PDE9A: variants seen among roughly 807,000 people sequenced by gnomAD.
The protein encoded by PDE9A is high affinity cGMP-specific 3',5'-cyclic phosphodiesterase 9A.
A neutral mutation model predicts 87.4 loss-of-function variants in PDE9A; 60 were observed. The ratio of observed to expected loss-of-function variants is 0.69; its 90% confidence interval spans 0.56 to 0.85. The LOEUF is 0.85. Among genes scored for constraint, PDE9A ranks in the 40% least tolerant of loss-of-function variants. The probability of loss-of-function intolerance (pLI) is 0.00; values close to 1 mark genes in which losing one functional copy is unlikely to be tolerated. For synonymous variants in PDE9A, 272 were observed against 279.4 expected (o/e 0.97, Z 0.27); for missense variants, 665 against 779.0 (o/e 0.85, Z 1.74).
At chr21:42,699,221 C>T (rs1238478669) in intron 4 of PDE9A, among the ~76,000 whole-genome samples, 3 of 152,252 alleles carry the variant, frequency 2.0e-5, no homozygotes, top group Non-Finnish European at 4.4e-5. Flanking sequence ...CCTTGTACTA[C>T]TGTAAGGGCT....
Position 42,770,695 on chromosome 21 carries a change from TC to T in PDE9A, c.1591-7del, listed in dbSNP as rs1271721481. 6.2e-7 allele frequency: 1 copy of T among 1,607,928 alleles called. No homozygotes were observed. Among genetic ancestry groups the T allele is most frequent in the Admixed American group, 1.7e-5 (1 of 60,016 alleles). ...GGGACTCTGAATAAATCCGTGTGTC[TC>T]TCCCAGCTCTTCCCCATGGTTGAGG... On this transcript the variant is annotated splice_polypyrimidine_tract_variant and splice_region_variant and intron_variant, in intron 17 of 19. Transcript: ENST00000291539.
At chr21:42,662,382 A>C (rs1380108662) in intron 1 of PDE9A, among the ~76,000 whole-genome samples, 1 of 152,064 alleles carries the variant, frequency 6.6e-6, no homozygotes, top group Non-Finnish European at 1.5e-5. Flanking sequence ...CACCGAAGGA[A>C]GGGGCAGAAA....
intron 4 of PDE9A, among the ~76,000 whole-genome samples, chr21:42,706,092 C>T (rs1260422118): frequency 1.3e-5 from 2 of 152,184 alleles, no homozygotes; most frequent in Admixed American, 1.3e-4. Context: ...CTGTGCCCCA[C>T]AACATGCATG....
At position 42,743,784 on chromosome 21, in the gene PDE9A, C is replaced by A. The variant is rs982358967; in HGVS notation, c.577C>A (p.Leu193Ile). 6.3e-7 allele frequency: 1 copy of A among 1,587,478 alleles called. No homozygotes were observed. The highest frequency in any genetic ancestry group is 1.1e-5 in the South Asian group (1 of 87,324). Residue 193 changes from leucine to isoleucine, a missense_variant, in exon 8 of 20, where the codon CTA becomes ATA. By Grantham distance (5) the Leu-to-Ile change is conservative. Transcript: ENST00000291539. ...TCTCTCTCTGTCACCAGTGGAAGGA[C>A]TAAAAGTGGTGGAGATTGAGAAATG... ...VLEKRVELEG[L>I]KVVEIEKCKS... is the part of the protein sequence containing the mutation.
chr21:42,733,548 G>A, intron 7 of PDE9A, 122 bp downstream of exon 7: 1 of 657,248 alleles, frequency 1.5e-6, no homozygotes, highest in East Asian at 2.7e-5. Flanking sequence ...TTTTCTTTGT[G>A]AAATACTTGA....
intron 4 of PDE9A, among the ~76,000 whole-genome samples, chr21:42,719,312 A>G (rs1016649038): frequency 6.6e-6 from 1 of 151,746 alleles, no homozygotes; most frequent in African/African-American, 2.4e-5. Context: ...CTACATTATA[A>G]GGGCACTTTA....
Position 42,733,274 on chromosome 21 carries a change from T to G in PDE9A, c.498-82T>G, listed in dbSNP as rs1002657439. On this transcript the variant is annotated intron_variant, in intron 6 of 19. Coordinates refer to ENST00000291539, the MANE Select transcript of PDE9A (RefSeq NM_002606.3). The stretch of plus-strand genomic sequence containing the variant: ...CCTTGCCCATGCCCACAGCAGGGAC[T>G]CAGTAGGTGTTTGCTTAACCGGTTT... The G allele has an allele frequency of 6.3e-6, 5 of 794,204 alleles. No individual in the cohort carries two copies. In the African/African-American group the frequency reaches 8.4e-5, roughly 13 times the overall value. The allele number at this position is 794,204 out of a possible 1,614,324, so 49.2% of individuals were successfully genotyped here.
At position 42,694,934 on chromosome 21, in the gene PDE9A, C is replaced by A. The variant is rs1330353049; in HGVS notation, c.219-4034C>A. On this transcript the variant is annotated intron_variant, in intron 3 of 19. Transcript: ENST00000291539. This position sits in a 1 kb window ranked among gnomAD's most constrained non-coding sequence, Gnocchi z 5.3. ...CCCACCCCAGCCCAGCGGGCACTCCCCTTCTGCAAACCTCCAAGCACATTC... is the reference window on the plus strand; with the variant it reads ...CCCACCCCAGCCCAGCGGGCACTCCACTTCTGCAAACCTCCAAGCACATTC... Among the ~76,000 whole-genome samples, 2 of 152,180 alleles carry A rather than the reference C, an allele frequency of 1.3e-5. No homozygotes were observed. The highest frequency in any genetic ancestry group is 2.9e-5 in the Non-Finnish European group (2 of 68,038).
rs2059901160 is a variant in PDE9A, at chr21:42,692,474, C to T, written c.218+4480C>T. Among the ~76,000 whole-genome samples the T allele has an allele frequency of 6.6e-6, 1 of 152,170 alleles. No individual in the cohort carries two copies. Among genetic ancestry groups the T allele is most frequent in the South Asian group, 2.1e-4 (1 of 4,824 alleles). Reference sequence around the variant, plus strand: ...CTCCCCTGTGCTCTGTCGCTGTCCTCTCACCCTCCCCCAATCTTCCAACCT... The same window carrying T: ...CTCCCCTGTGCTCTGTCGCTGTCCTTTCACCCTCCCCCAATCTTCCAACCT... On this transcript the variant is annotated intron_variant, in intron 3 of 19. Coordinates refer to ENST00000291539, the MANE Select transcript of PDE9A (RefSeq NM_002606.3). This position sits in a 1 kb window ranked among gnomAD's most constrained non-coding sequence, Gnocchi z 4.3.
chr21:42,717,655 G>T (rs933295597), intron 4 of PDE9A, among the ~76,000 whole-genome samples: 1 of 151,398 alleles, frequency 6.6e-6, no homozygotes, highest in South Asian at 2.1e-4. Flanking sequence ...GCCTCCCAAA[G>T]TGCTGGGATT....
At chr21:42,685,465 G>GTTTTTTTTTTTTTTTTTTTT (rs1555908731) in intron 1 of PDE9A, among the ~76,000 whole-genome samples, 1 of 87,782 alleles carries the variant, frequency 1.1e-5, no homozygotes, top group African/African-American at 7.6e-5. Context: ...CCGAAAGGCA[G>GTTTTTTTTTTTTTTTTTTTT]TCTTTTTTTT....
chr21:42,736,567 TA>T (rs1384305534), intron 7 of PDE9A, among the ~76,000 whole-genome samples: 1 of 152,056 alleles, frequency 6.6e-6, no homozygotes, highest in African/African-American at 2.4e-5. Context: ...CTTCTATGGG[TA>T]AAACCGGTTG....
At position 42,731,767 on chromosome 21, in the gene PDE9A, T is replaced by C. The variant is rs778060967; in HGVS notation, c.263-3T>C. On this transcript the variant is annotated splice_polypyrimidine_tract_variant and splice_region_variant and intron_variant, in intron 4 of 19. Coordinates refer to ENST00000291539, the MANE Select transcript of PDE9A (RefSeq NM_002606.3). Reference sequence around the variant, plus strand: ...GAAACCCAGTCCTGCCTGCTTTTTATAGCTGGTGTCGAGGACAAGAGAACC... The same window carrying C: ...GAAACCCAGTCCTGCCTGCTTTTTACAGCTGGTGTCGAGGACAAGAGAACC... The C allele has an allele frequency of 3.1e-6, 5 of 1,610,286 alleles. 1 individual carries two copies. In the South Asian group the frequency reaches 5.5e-5, roughly 18 times the overall value.
intron 3 of PDE9A, 101 bp downstream of exon 3, chr21:42,688,095 G>A: frequency 1.0e-6 from 1 of 970,490 alleles, no homozygotes; most frequent in South Asian, 1.3e-5. Context: ...GCAGAAAGGT[G>A]TGAATTGACA....
At chr21:42,661,606 T>C (rs916232021) in intron 1 of PDE9A, among the ~76,000 whole-genome samples, 1 of 152,178 alleles carries the variant, frequency 6.6e-6, no homozygotes, top group Non-Finnish European at 1.5e-5. Flanking sequence ...ATTGTGTGCG[T>C]GGACCACATT....
At chr21:42,671,993 C>T (rs981028008) in intron 1 of PDE9A, among the ~76,000 whole-genome samples, 1 of 151,942 alleles carries the variant, frequency 6.6e-6, no homozygotes, top group Admixed American at 6.6e-5. Context: ...CAAAGCCTAG[C>T]AAAATCTTAT....
intron 1 of PDE9A, among the ~76,000 whole-genome samples, chr21:42,668,807 C>G (rs1028082120): frequency 6.6e-6 from 1 of 151,952 alleles, no homozygotes; most frequent in Non-Finnish European, 1.5e-5. Flanking sequence ...ACCTGGAGGG[C>G]TGTTCAGACG....
rs148697166 is a variant in PDE9A, at chr21:42,716,846, G to A, written c.263-14924G>A. 4.1e-3 allele frequency among the ~76,000 whole-genome samples: 563 copies of A among 137,574 alleles called. 3 individuals are homozygous for A. The highest frequency in any genetic ancestry group is 0.015 in the African/African-American group (535 of 36,824). 90.3% of individuals were successfully genotyped at this position (137,574 alleles called of 152,430 possible). A position where few individuals can be genotyped will look rare whatever the true frequency, so the allele number is the denominator to read the frequency against. On this transcript the variant is annotated intron_variant, in intron 4 of 19. Transcript: ENST00000291539. ...GCTCACTGCAACCTCCACCTCCTAG[G>A]TTCAAGCGATTCTCCTGCCTCAGCC... is the stretch of plus-strand genomic sequence containing the variant.
rs138593325 is a variant in PDE9A, at chr21:42,760,842, G to T, written c.1020G>T (p.Thr340=). 43 of 1,608,556 alleles carry T rather than the reference G, an allele frequency of 2.7e-5. No homozygotes were observed. In the African/African-American group the frequency reaches 5.6e-4, roughly 21 times the overall value. ...CAATCCAGGAGAAGTTCTCACAAAC[G>T]GATATCCTGATCCTAATGACAGCGG... ...LCSLQEKFSQ[T]DILILMTAAI... Residue 340 remains threonine (T), a synonymous_variant, in exon 13 of 20, where the codon ACG becomes ACT. Transcript: ENST00000291539. This position sits in a 1 kb window ranked among gnomAD's most constrained non-coding sequence, Gnocchi z 5.2.
Sources: allele counts gnomAD v4.1 joint callset (sites outside exome capture counted in the v4.1 genomes callset), GRCh38; gene constraint gnomAD v4.1.1; non-coding constraint Gnocchi (gnomAD v3.1); transcripts MANE v1.5; gene names NCBI Gene and HGNC (gene_info 2026-07-23, HGNC 2026-07-21).